Variants in ZDHHC14 observed in about 807,000 individuals in gnomAD.
ZDHHC14 encodes zDHHC palmitoyltransferase 14.
A neutral mutation model predicts 47.7 loss-of-function variants in ZDHHC14; 16 were observed. That is an observed-to-expected ratio of 0.34 (90% CI 0.23 to 0.51). The LOEUF is 0.51. Among genes scored for constraint, ZDHHC14 ranks in the 20% least tolerant of loss-of-function variants. The probability of loss-of-function intolerance (pLI) is 0.97; values close to 1 mark genes in which losing one functional copy is unlikely to be tolerated. For synonymous variants in ZDHHC14, 293 were observed against 278.9 expected (o/e 1.05, Z -0.50); for missense variants, 515 against 662.5 (o/e 0.78, Z 2.44).
intron 1 of ZDHHC14, among the ~76,000 whole-genome samples, chr6:157,521,758 C>T (rs1780924295): frequency 6.6e-6 from 1 of 152,188 alleles, no homozygotes; most frequent in Non-Finnish European, 1.5e-5. Context: ...ACATGGTTTC[C>T]TGGCAAGGGG....
chr6:157,657,807 G>A (rs1225061036), intron 8 of ZDHHC14, among the ~76,000 whole-genome samples: 3 of 152,204 alleles, frequency 2.0e-5, no homozygotes, highest in East Asian at 3.8e-4. Flanking sequence ...AAATGCTTTC[G>A]AGTCAGCCAG....
chr6:157,523,286 A>G (rs933802357), intron 1 of ZDHHC14, among the ~76,000 whole-genome samples: 1 of 152,042 alleles, frequency 6.6e-6, no homozygotes, highest in African/African-American at 2.4e-5. Context: ...TTTATGATAT[A>G]TTGAATACGT....
chr6:157,580,333 AT>A (rs1174263247), intron 2 of ZDHHC14, among the ~76,000 whole-genome samples: 2 of 151,778 alleles, frequency 1.3e-5, no homozygotes, highest in South Asian at 2.1e-4. Flanking sequence ...TTCTATATTC[AT>A]TTGGGATATT....
At position 157,592,919 on chromosome 6, in the gene ZDHHC14, G is replaced by A. The variant is rs1397331770; in HGVS notation, c.407-69G>A. The A allele has an allele frequency of 1.5e-5, 23 of 1,524,750 alleles. No individual in the cohort carries two copies. In the East Asian group the frequency reaches 4.0e-4, roughly 26 times the overall value. 94.5% of individuals were successfully genotyped at this position (1,524,750 alleles called of 1,614,324 possible). On this transcript the variant is annotated intron_variant, in intron 2 of 8. Coordinates refer to ENST00000359775, the MANE Select transcript of ZDHHC14 (RefSeq NM_024630.3). ...TGCTGCCCTGGAGCTTACACTCCAGGCGGACGGGTCCCGCCGAGGCAGAGG... is the reference window on the plus strand; with the variant it reads ...TGCTGCCCTGGAGCTTACACTCCAGACGGACGGGTCCCGCCGAGGCAGAGG...
intron 1 of ZDHHC14, among the ~76,000 whole-genome samples, chr6:157,501,050 C>G (rs1021420303): frequency 1.3e-5 from 2 of 152,134 alleles, no homozygotes; most frequent in African/African-American, 4.8e-5. Context: ...GGATGGTAAT[C>G]CTAGACAGAA....
intron 3 of ZDHHC14, among the ~76,000 whole-genome samples, chr6:157,613,925 GAA>G (rs1784848796): frequency 6.6e-6 from 1 of 152,192 alleles, no homozygotes; most frequent in African/African-American, 2.4e-5. Context: ...GATACTCTTG[GAA>G]AATAGTATTG....
intron 3 of ZDHHC14, among the ~76,000 whole-genome samples, chr6:157,606,468 AAAAAAAG>A (rs549967275): frequency 1.3e-3 from 205 of 152,306 alleles, no homozygotes; most frequent in African/African-American, 4.7e-3. Flanking sequence ...CTCCATCTCA[AAAAAAAG>A]AAAAAAGAAA....
In ZDHHC14 at chr6:157,550,170, G is replaced by C. The variant is rs553251834; in HGVS notation, c.406+7425G>C. Among the ~76,000 whole-genome samples the C allele has an allele frequency of 2.7e-4, 41 of 152,354 alleles. 1 individual carries two copies. The highest frequency in any genetic ancestry group is 9.1e-4 in the African/African-American group (38 of 41,576). ...TGCTCAGCCTGCACTGAGCCTAGGA[G>C]TGTGAATTCCTAAGTTCACATAGGC... On this transcript the variant is annotated intron_variant, in intron 2 of 8. Coordinates refer to ENST00000359775, the MANE Select transcript of ZDHHC14 (RefSeq NM_024630.3).
intron 1 of ZDHHC14, among the ~76,000 whole-genome samples, chr6:157,490,424 G>A (rs1360952737): frequency 3.9e-5 from 6 of 152,228 alleles, no homozygotes; most frequent in Non-Finnish European, 8.8e-5. Flanking sequence ...CAATGAAGAA[G>A]CGCAGATGTG....
Position 157,582,348 on chromosome 6 carries a change from A to G in ZDHHC14, c.407-10640A>G, listed in dbSNP as rs937985579. Among the ~76,000 whole-genome samples the G allele has an allele frequency of 4.6e-5, 7 of 152,062 alleles. No individual in the cohort carries two copies. Among genetic ancestry groups the G allele is most frequent in the African/African-American group, 1.2e-4 (5 of 41,404 alleles). On this transcript the variant is annotated intron_variant, in intron 2 of 8. Transcript: ENST00000359775. The surrounding 1 kb of genome is among the most constrained non-coding windows in gnomAD (Gnocchi z 4.3). ...ATAGAGTCACCAGTCTGTGTACTTG[A>G]GTGTGTTTTTGTAGTGGCTGGTAAT...
chr6:157,542,267 G>A (rs1185241906), intron 1 of ZDHHC14, among the ~76,000 whole-genome samples: 2 of 152,160 alleles, frequency 1.3e-5, no homozygotes, highest in African/African-American at 4.8e-5. Flanking sequence ...GAGGACACGT[G>A]TCTATTTATA....
intron 7 of ZDHHC14, among the ~76,000 whole-genome samples, chr6:157,653,110 C>T (rs1777916376): frequency 6.6e-6 from 1 of 152,202 alleles, no homozygotes; most frequent in South Asian, 2.1e-4. Flanking sequence ...GGTCATTTCC[C>T]ACACGCTACA....
intron 1 of ZDHHC14, among the ~76,000 whole-genome samples, chr6:157,413,716 C>T (rs1466668766): frequency 6.6e-6 from 1 of 151,922 alleles, no homozygotes; most frequent in Non-Finnish European, 1.5e-5. Context: ...AAGCCTGTCT[C>T]CATGGAGCCT....
chr6:157,649,147 G>A (rs779947962), intron 7 of ZDHHC14, among the ~76,000 whole-genome samples: 9 of 152,198 alleles, frequency 5.9e-5, no homozygotes, highest in Non-Finnish European at 8.8e-5. Flanking sequence ...CCTACCCTGA[G>A]AAGTGTTTGA....
At chr6:157,660,485 G>A (rs1242194497) in intron 8 of ZDHHC14, among the ~76,000 whole-genome samples, 1 of 152,128 alleles carries the variant, frequency 6.6e-6, no homozygotes, top group Non-Finnish European at 1.5e-5. Flanking sequence ...GAACCACTGC[G>A]CCTGGCCCCG....
chr6:157,453,378 A>C (rs1433127604), intron 1 of ZDHHC14, among the ~76,000 whole-genome samples: 2 of 152,238 alleles, frequency 1.3e-5, no homozygotes, highest in Non-Finnish European at 2.9e-5. Flanking sequence ...AAGGCTTTAA[A>C]TTCCCATGAA....
At chr6:157,652,247 T>C (rs1008072023) in intron 7 of ZDHHC14, among the ~76,000 whole-genome samples, 2 of 152,196 alleles carry the variant, frequency 1.3e-5, no homozygotes, top group African/African-American at 4.8e-5. Flanking sequence ...CTTGAAGACC[T>C]GAAGGCAGTA....
intron 8 of ZDHHC14, among the ~76,000 whole-genome samples, chr6:157,670,590 C>T (rs923605330): frequency 1.3e-5 from 2 of 152,254 alleles, no homozygotes; most frequent in Middle Eastern, 3.4e-3. Context: ...CCACTGTGCC[C>T]GGCCGCCTTC....
At chr6:157,521,588 T>C (rs1016060875) in intron 1 of ZDHHC14, among the ~76,000 whole-genome samples, 3 of 152,226 alleles carry the variant, frequency 2.0e-5, no homozygotes, top group African/African-American at 7.2e-5. Context: ...GGCAGCTCTT[T>C]GGGGCCTCTT....
Sources: gnomAD v4.1 joint callset for allele counts (sites outside exome capture counted in the v4.1 genomes callset) on GRCh38, gnomAD v4.1.1 for gene constraint, Gnocchi (gnomAD v3.1) non-coding constraint, MANE v1.5 for transcripts, NCBI Gene and HGNC (gene_info 2026-07-23, HGNC 2026-07-21) for gene names.